MAGI2: variants seen among roughly 807,000 people sequenced by gnomAD.
MAGI2 encodes membrane-associated guanylate kinase, WW and PDZ domain-containing protein 2.
A neutral mutation model predicts 133.3 loss-of-function variants in MAGI2; 35 were observed. The ratio of observed to expected loss-of-function variants is 0.26; its 90% CI spans 0.20 to 0.35. The LOEUF is 0.35. Ranked by LOEUF, MAGI2 falls within the 10% of genes least tolerant of loss-of-function variation. MAGI2 has a pLI of 1.00. For missense variants in MAGI2, 1,636 were observed against 1,863.4 expected (o/e 0.88, Z 2.25); for synonymous variants, 729 against 710.6 (o/e 1.03, Z -0.41).
Position 78,817,422 on chromosome 7 carries a change from G to A in MAGI2, c.418+189668C>T, listed in dbSNP as rs911956279. Among the ~76,000 whole-genome samples, 3 of 152,196 alleles carry A rather than the reference G, an allele frequency of 2.0e-5. No homozygotes were observed. In the East Asian group the frequency reaches 5.8e-4, roughly 29 times the overall value. On this transcript the variant is annotated intron_variant, in intron 2 of 21. Transcript: ENST00000354212. ...ACTGTGGGTAAAATGCAATCAAACA[G>A]CATCACATGCTAGAGAGAAATCTGT... is the stretch of plus-strand genomic sequence containing the variant.
intron 16 of MAGI2, among the ~76,000 whole-genome samples, chr7:78,157,151 T>C (rs1824477209): frequency 6.6e-6 from 1 of 152,170 alleles, no homozygotes; most frequent in African/African-American, 2.4e-5. Context: ...TAGGTGCATG[T>C]TGCAAATTAC....
intron 1 of MAGI2, among the ~76,000 whole-genome samples, chr7:79,102,586 T>C (rs1373874085): frequency 6.6e-6 from 1 of 152,216 alleles, no homozygotes; most frequent in Non-Finnish European, 1.5e-5. Context: ...AGAAAGAGCT[T>C]ATTTCTATAA....
intron 1 of MAGI2, among the ~76,000 whole-genome samples, chr7:79,075,333 C>T (rs1285984535): frequency 6.6e-6 from 1 of 152,110 alleles, no homozygotes. Context: ...TCCATGAGAA[C>T]AAAGAATCTC....
At chr7:78,670,726 A>G (rs1243612089) in intron 2 of MAGI2, among the ~76,000 whole-genome samples, 1 of 152,200 alleles carries the variant, frequency 6.6e-6, no homozygotes, top group Non-Finnish European at 1.5e-5. Flanking sequence ...AAACAGAGAT[A>G]TAGATCAATG....
chr7:79,017,778 C>G (rs1305620826), intron 1 of MAGI2, among the ~76,000 whole-genome samples: 2 of 152,010 alleles, frequency 1.3e-5, no homozygotes, highest in African/African-American at 4.8e-5. Flanking sequence ...AGAAGAATTT[C>G]ATAATGCAAT....
intron 2 of MAGI2, among the ~76,000 whole-genome samples, chr7:78,637,464 C>G (rs997783409): frequency 6.6e-6 from 1 of 150,718 alleles, no homozygotes; most frequent in Non-Finnish European, 1.5e-5. Context: ...TGCAGAAGAT[C>G]TCTCATGAAG....
At chr7:79,339,458 G>GTTTT (rs1474615393) in intron 1 of MAGI2, among the ~76,000 whole-genome samples, 25 of 103,380 alleles carry the variant, frequency 2.4e-4, no homozygotes, top group African/African-American at 1.1e-3. Flanking sequence ...GTTTGTTTTT[G>GTTTT]TTTTTGTTTT....
At chr7:79,079,081 A>C (rs1332652398) in intron 1 of MAGI2, among the ~76,000 whole-genome samples, 1 of 152,082 alleles carries the variant, frequency 6.6e-6, no homozygotes, top group East Asian at 1.9e-4. Context: ...CATTTCTCCC[A>C]ATCTCAATTC....
At chr7:79,445,068 G>T (rs567875343) in intron 1 of MAGI2, among the ~76,000 whole-genome samples, 13 of 152,136 alleles carry the variant, frequency 8.5e-5, no homozygotes, top group African/African-American at 3.1e-4. Context: ...ATGGGGAAAG[G>T]ATTCCCTATT....
At chr7:79,371,377 A>G (rs766822536) in intron 1 of MAGI2, among the ~76,000 whole-genome samples, 7 of 152,128 alleles carry the variant, frequency 4.6e-5, no homozygotes, top group Admixed American at 3.9e-4. Context: ...TTGCATTACT[A>G]AAAGGAAAAA....
chr7:78,971,450 G>A (rs952419027), intron 2 of MAGI2, among the ~76,000 whole-genome samples: 2 of 151,962 alleles, frequency 1.3e-5, no homozygotes, highest in Non-Finnish European at 2.9e-5. Context: ...TTCCTTACAA[G>A]TATTGCACAG....
At chr7:78,942,296 A>G (rs2151682475) in intron 2 of MAGI2, among the ~76,000 whole-genome samples, 1 of 152,228 alleles carries the variant, frequency 6.6e-6, no homozygotes, top group East Asian at 1.9e-4. Context: ...TTTTAAACTA[A>G]AATAGAAAGT....
At chr7:79,214,440 T>TATATATATAA (rs1563003647) in intron 1 of MAGI2, among the ~76,000 whole-genome samples, 1 of 121,338 alleles carries the variant, frequency 8.2e-6, no homozygotes, top group South Asian at 2.6e-4. Flanking sequence ...TATATATATA[T>TATATATATAA]ATAAATATGC....
chr7:78,823,862 TAG>T (rs1790382202), intron 2 of MAGI2, among the ~76,000 whole-genome samples: 1 of 152,078 alleles, frequency 6.6e-6, no homozygotes, highest in Non-Finnish European at 1.5e-5. Flanking sequence ...AATAATTACC[TAG>T]AGTTACTGGT....
intron 20 of MAGI2, among the ~76,000 whole-genome samples, 165 bp from the exon 21 acceptor site, chr7:78,079,250 C>T (rs1299385663): frequency 6.6e-6 from 1 of 152,198 alleles, no homozygotes; most frequent in African/African-American, 2.4e-5. Flanking sequence ...CATCCTGAAT[C>T]TGATCACCAA....
chr7:78,218,852 A>C (rs1403369632), intron 10 of MAGI2, among the ~76,000 whole-genome samples: 1 of 152,218 alleles, frequency 6.6e-6, no homozygotes, highest in Non-Finnish European at 1.5e-5. Context: ...TGGAATTAAC[A>C]AGTCGAGAAC....
At position 78,501,641 on chromosome 7, in the gene MAGI2, G is replaced by A; in HGVS notation, c.901C>T (p.Pro301Ser). Residue 301 changes from proline (P) to serine (S), a missense_variant, in exon 5 of 22, where the codon CCA (proline) becomes TCA (serine). Physicochemically the swap from Pro to Ser is moderately conservative, Grantham distance 74 (BLOSUM62 -1). Transcript: ENST00000354212. ...KPTKPEDNEEPDPLPDNWEMA... is the reference protein window; with the variant it reads ...KPTKPEDNEESDPLPDNWEMA... ...TCCCAGTTATCAGGCAATGGGTCTG[G>A]TTCCTCATTGTCTTCAGGTTTAGTT... 6.2e-7 allele frequency: 1 copy of A among 1,614,102 alleles called. No individual in the cohort carries two copies.
intron 1 of MAGI2, among the ~76,000 whole-genome samples, chr7:79,174,537 T>A (rs1181747524): frequency 6.6e-6 from 1 of 151,890 alleles, no homozygotes; most frequent in African/African-American, 2.4e-5. Flanking sequence ...ACCCTTCATG[T>A]GTAAAGAGAA....
chr7:78,993,079 A>T (rs1004023717), intron 2 of MAGI2, among the ~76,000 whole-genome samples: 6 of 152,128 alleles, frequency 3.9e-5, no homozygotes, highest in African/African-American at 1.2e-4. Flanking sequence ...ATGAACAAAA[A>T]CTCATGTACT....
Sources: gnomAD v4.1 joint callset for allele counts (sites outside exome capture counted in the v4.1 genomes callset) on GRCh38, gnomAD v4.1.1 for gene constraint, MANE v1.5 for transcripts, NCBI Gene and HGNC (gene_info 2026-07-23, HGNC 2026-07-21) for gene names.